The following ADGRL3 variants were observed in gnomAD, a reference collection of about 807,000 sequenced individuals.
ADGRL3 encodes adhesion G protein-coupled receptor L3, also known as calcium-independent alpha-latrotoxin receptor 3.
ADGRL3 carries 62 observed loss-of-function variants against 153.5 expected under a neutral mutation model. That is an observed-to-expected ratio of 0.40 (90% CI 0.33 to 0.50). The LOEUF is 0.50. ADGRL3 is among the 20% of genes least tolerant of loss of function. The pLI is 0.47. For missense variants in ADGRL3, 1,641 were observed against 1,859.4 expected, an observed-to-expected ratio of 0.88 and a Z score of 2.16; for synonymous variants, 710 against 672.5, an observed-to-expected ratio of 1.06 and a Z score of -0.86.
Position 61,828,254 on chromosome 4 carries a change from A to G in ADGRL3, c.1480+14365A>G, listed in dbSNP as rs80108586. 8.5e-3 allele frequency among the ~76,000 whole-genome samples: 1,288 copies of G among 152,276 alleles called. 21 individuals carry two copies. The highest frequency in any genetic ancestry group is 0.03 in the African/African-American group (1,234 of 41,552). On this transcript the variant is annotated intron_variant, in intron 9 of 26. Transcript: ENST00000683033. Reference sequence around the variant, plus strand: ...ATTTAAGAGGGAACCCTTAGGGCATACTTGTTTGTTTGTTAGATAAAACCA... The same window carrying G: ...ATTTAAGAGGGAACCCTTAGGGCATGCTTGTTTGTTTGTTAGATAAAACCA...
At chr4:61,316,172 T>TA (rs1242300162) in intron 1 of ADGRL3, among the ~76,000 whole-genome samples, 2 of 152,098 alleles carry the variant, frequency 1.3e-5, no homozygotes, top group African/African-American at 4.8e-5. Flanking sequence ...TAGGCTCTGT[T>TA]AAAAAAATTA....
At chr4:61,899,607 G>A (rs1021063124) in intron 11 of ADGRL3, among the ~76,000 whole-genome samples, 1 of 152,140 alleles carries the variant, frequency 6.6e-6, no homozygotes, top group African/African-American at 2.4e-5. Flanking sequence ...ACCCTGAAGG[G>A]TGAACCACTT....
At chr4:61,699,855 A>G (rs1312886661) in intron 6 of ADGRL3, among the ~76,000 whole-genome samples, 1 of 152,088 alleles carries the variant, frequency 6.6e-6, no homozygotes, top group Admixed American at 6.6e-5. Context: ...AAAGTTGCTT[A>G]ACTTGGAAAA....
intron 16 of ADGRL3, among the ~76,000 whole-genome samples, 154 bp from the exon 17 acceptor site, chr4:61,947,946 T>G (rs113915538): frequency 6.6e-6 from 1 of 152,328 alleles, no homozygotes; most frequent in African/African-American, 2.4e-5. Flanking sequence ...CAATTTCACT[T>G]AGAATTGTTG....
intron 1 of ADGRL3, among the ~76,000 whole-genome samples, chr4:61,280,450 C>T (rs1195274296): frequency 6.6e-6 from 1 of 151,802 alleles, no homozygotes; most frequent in Admixed American, 6.6e-5. Flanking sequence ...AAAGATGTTG[C>T]TGTAAAAGGT....
At chr4:61,806,146 T>G (rs752968208) in intron 8 of ADGRL3, among the ~76,000 whole-genome samples, 4 of 152,160 alleles carry the variant, frequency 2.6e-5, no homozygotes, top group Non-Finnish European at 5.9e-5. Flanking sequence ...AGTACACATA[T>G]GAGCTGCAGG....
At chr4:61,806,441 C>T (rs1373858397) in intron 8 of ADGRL3, among the ~76,000 whole-genome samples, 7 of 151,490 alleles carry the variant, frequency 4.6e-5, no homozygotes, top group African/African-American at 1.7e-4. Flanking sequence ...ATTGCACATA[C>T]TTGCTAATAT....
At chr4:61,899,419 T>A (rs2098651147) in intron 11 of ADGRL3, among the ~76,000 whole-genome samples, 1 of 152,058 alleles carries the variant, frequency 6.6e-6, no homozygotes, top group African/African-American at 2.4e-5. Flanking sequence ...CATTCTCCCC[T>A]TTACCCTCCC....
intron 1 of ADGRL3, among the ~76,000 whole-genome samples, chr4:61,235,558 G>T (rs1752483431): frequency 6.6e-6 from 1 of 152,152 alleles, no homozygotes; most frequent in African/African-American, 2.4e-5. Flanking sequence ...GCATAGATGT[G>T]TAATTACTCC....
intron 2 of ADGRL3, among the ~76,000 whole-genome samples, chr4:61,465,442 C>G (rs1489837109): frequency 6.6e-6 from 1 of 151,942 alleles, no homozygotes; most frequent in Non-Finnish European, 1.5e-5. Flanking sequence ...ACACAATACA[C>G]AGAATTATGT....
chr4:61,472,394 G>A (rs919954275), intron 2 of ADGRL3, among the ~76,000 whole-genome samples: 5 of 152,076 alleles, frequency 3.3e-5, no homozygotes, highest in African/African-American at 7.2e-5. Flanking sequence ...TGGCCAGGGC[G>A]GCAGTCTCAT....
intron 24 of ADGRL3, among the ~76,000 whole-genome samples, chr4:62,040,253 C>T (rs1420977690): frequency 1.3e-5 from 2 of 151,936 alleles, no homozygotes; most frequent in African/African-American, 4.8e-5. Context: ...GTTGTTATTA[C>T]AGAATATTAT....
At chr4:61,757,712 T>A (rs1389454767) in intron 8 of ADGRL3, among the ~76,000 whole-genome samples, 4 of 152,224 alleles carry the variant, frequency 2.6e-5, no homozygotes, top group Admixed American at 2.6e-4. Context: ...ATTGTGATGT[T>A]AGGGTGTAAA....
At chr4:61,373,435 C>T (rs2096564761) in intron 1 of ADGRL3, among the ~76,000 whole-genome samples, 1 of 151,990 alleles carries the variant, frequency 6.6e-6, no homozygotes, top group South Asian at 2.1e-4. Context: ...ATATTTATCC[C>T]ATATGAATTT....
intron 10 of ADGRL3, among the ~76,000 whole-genome samples, chr4:61,894,864 A>G (rs774394903): frequency 6.6e-6 from 1 of 151,970 alleles, no homozygotes; most frequent in Non-Finnish European, 1.5e-5. Flanking sequence ...CTCATCATCT[A>G]TCTCCTCTTT....
chr4:61,823,967 C>A (rs2097778099), intron 9 of ADGRL3, among the ~76,000 whole-genome samples: 1 of 152,046 alleles, frequency 6.6e-6, no homozygotes, highest in Admixed American at 6.6e-5. Context: ...GAGGCTGAGG[C>A]AGGAGAATTG....
intron 4 of ADGRL3, among the ~76,000 whole-genome samples, chr4:61,553,080 A>G (rs1438298617): frequency 1.3e-5 from 2 of 152,178 alleles, no homozygotes; most frequent in Non-Finnish European, 2.9e-5. Context: ...TTGAATTGTA[A>G]GTTGCCTCCA....
chr4:61,248,388 G>A (rs558098736), intron 1 of ADGRL3, among the ~76,000 whole-genome samples: 3 of 152,098 alleles, frequency 2.0e-5, no homozygotes, highest in Non-Finnish European at 2.9e-5. Flanking sequence ...CAACTCATCA[G>A]TGATTTTATT....
chr4:62,022,036 T>C (rs1006375031), intron 21 of ADGRL3, among the ~76,000 whole-genome samples: 1 of 152,224 alleles, frequency 6.6e-6, no homozygotes, highest in African/African-American at 2.4e-5. Context: ...TGTCGAAAGC[T>C]GAGATAGGCT....
Sources: allele counts gnomAD v4.1 joint callset (sites outside exome capture counted in the v4.1 genomes callset), GRCh38; gene constraint gnomAD v4.1.1; transcripts MANE v1.5; gene names NCBI Gene and HGNC (gene_info 2026-07-23, HGNC 2026-07-21).